CLVS1: variants seen among roughly 807,000 people sequenced by gnomAD.
The protein encoded by CLVS1 is clavesin-1.
CLVS1 carries 10 observed loss-of-function variants against 33.1 expected under a neutral mutation model. The ratio of observed to expected loss-of-function variants is 0.30; its 90% CI spans 0.19 to 0.51. The LOEUF is 0.51. Among genes scored for constraint, CLVS1 ranks in the 20% least tolerant of loss-of-function variants. CLVS1 has a pLI of 0.97. For synonymous variants in CLVS1, 163 were observed against 166.1 expected, an observed-to-expected ratio of 0.98 and a Z score of 0.14; for missense variants, 343 against 433.4, an observed-to-expected ratio of 0.79 and a Z score of 1.85.
At chr8:61,421,029 A>G (rs891639317) in intron 3 of CLVS1, among the ~76,000 whole-genome samples, 3 of 152,200 alleles carry the variant, frequency 2.0e-5, no homozygotes, top group Non-Finnish European at 4.4e-5. Flanking sequence ...GCAACTGAGT[A>G]TGCAAGTTGA....
At chr8:61,274,707 A>G (rs545986050) in intron 2 of CLVS1, among the ~76,000 whole-genome samples, 3 of 152,308 alleles carry the variant, frequency 2.0e-5, no homozygotes, top group African/African-American at 7.2e-5. Flanking sequence ...ATCGCTGGCT[A>G]TTTTTAAATT....
chr8:61,059,480 A>ATCTATC (rs1164212060), intron 1 of CLVS1, among the ~76,000 whole-genome samples: 2 of 84,206 alleles, frequency 2.4e-5, no homozygotes, highest in African/African-American at 1.2e-4. Context: ...ACATACATAT[A>ATCTATC]TATATATATA....
At chr8:61,181,639 G>A (rs900128180) in intron 2 of CLVS1, among the ~76,000 whole-genome samples, 1 of 149,850 alleles carries the variant, frequency 6.7e-6, no homozygotes, top group Non-Finnish European at 1.5e-5. Flanking sequence ...CAGACATATA[G>A]AGCAATGGAC....
chr8:61,266,593 A>G (rs1037644061), intron 2 of CLVS1, among the ~76,000 whole-genome samples: 1 of 151,926 alleles, frequency 6.6e-6, no homozygotes, highest in Admixed American at 6.6e-5. Flanking sequence ...CTATTTCTCT[A>G]CACATGTTTT....
intron 2 of CLVS1, among the ~76,000 whole-genome samples, chr8:61,347,813 A>G (rs762935262): frequency 4.6e-5 from 7 of 150,988 alleles, no homozygotes; most frequent in Non-Finnish European, 8.9e-5. Context: ...GCTGAATCAT[A>G]TGATAGTTCT....
chr8:61,017,930 T>C, the CLVS1 span, among the ~76,000 whole-genome samples: 2 of 152,252 alleles, frequency 1.3e-5, no homozygotes, highest in African/African-American at 4.8e-5. Context: ...AGTGATCAAC[T>C]TCACTGCATG....
At chr8:61,318,680 A>G (rs1811093793) in intron 2 of CLVS1, among the ~76,000 whole-genome samples, 1 of 152,108 alleles carries the variant, frequency 6.6e-6, no homozygotes, top group Non-Finnish European at 1.5e-5. Context: ...CCAGTACAGC[A>G]TTTGGGAAAA....
intron 2 of CLVS1, among the ~76,000 whole-genome samples, chr8:61,309,968 C>T (rs190403199): frequency 6.6e-6 from 1 of 152,242 alleles, no homozygotes; most frequent in East Asian, 1.9e-4. Context: ...GTTTGATTGT[C>T]CTCAGTTATA....
Position 61,249,216 on chromosome 8 carries a change from C to G in CLVS1, c.-151-50461C>G, listed in dbSNP as rs747507927. On this transcript the variant is annotated intron_variant, in intron 2 of 2. Coordinates refer to the CLVS1 transcript ENST00000522621. ...TTAATTTGCTGAGAATTATGGTTTC[C>G]AGCTTCCTCCATGTCCCTGCAAAGG... Among the ~76,000 whole-genome samples, 60 of 152,120 alleles carry G rather than the reference C, an allele frequency of 3.9e-4. 1 individual carries two copies. Among genetic ancestry groups the G allele is most frequent in the Non-Finnish European group, 6.2e-4 (42 of 68,032 alleles).
chr8:61,062,919 A>G (rs1428868663), intron 1 of CLVS1, among the ~76,000 whole-genome samples: 1 of 152,198 alleles, frequency 6.6e-6, no homozygotes, highest in African/African-American at 2.4e-5. Flanking sequence ...TGTGATTGCT[A>G]TGCATTTCCT....
intron 2 of CLVS1, among the ~76,000 whole-genome samples, chr8:61,143,939 T>C (rs1247415974): frequency 6.6e-6 from 1 of 150,404 alleles, no homozygotes; most frequent in Non-Finnish European, 1.5e-5. Flanking sequence ...AAACATCTTA[T>C]TGAAGGAAGC....
At chr8:61,042,544 G>C in the CLVS1 span, among the ~76,000 whole-genome samples, 3 of 152,224 alleles carry the variant, frequency 2.0e-5, no homozygotes, top group Non-Finnish European at 2.9e-5. Flanking sequence ...TCTTTGGTTA[G>C]TAGACAGTGT....
intron 2 of CLVS1, among the ~76,000 whole-genome samples, chr8:61,250,882 C>G (rs1016198894): frequency 6.6e-6 from 1 of 152,172 alleles, no homozygotes; most frequent in South Asian, 2.1e-4. Context: ...TTGTCTTCCT[C>G]TCTTCCTGTT....
intron 2 of CLVS1, among the ~76,000 whole-genome samples, chr8:61,273,746 C>A (rs1186999464): frequency 6.6e-6 from 1 of 152,174 alleles, no homozygotes; most frequent in African/African-American, 2.4e-5. Context: ...TGGGAGTGAC[C>A]CGATTTTCCA....
chr8:61,125,990 A>G (rs1805961884), intron 1 of CLVS1, among the ~76,000 whole-genome samples: 1 of 151,986 alleles, frequency 6.6e-6, no homozygotes, highest in African/African-American at 2.4e-5. Context: ...TCCAAATGTA[A>G]TATAGTTGAT....
chr8:61,307,723 G>A (rs1585780717), intron 2 of CLVS1, among the ~76,000 whole-genome samples: 1 of 152,094 alleles, frequency 6.6e-6, no homozygotes, highest in African/African-American at 2.4e-5. Flanking sequence ...GGGTACAAGT[G>A]CAGTTTTGTT....
intron 2 of CLVS1, chr8:61,202,996 A>G: frequency 7.0e-7 from 1 of 1,419,922 alleles, no homozygotes; most frequent in Non-Finnish European, 9.8e-7. Context: ...AAAACCATCA[A>G]CACCAAGATC....
chr8:61,071,160 A>G (rs893083802), intron 1 of CLVS1, among the ~76,000 whole-genome samples: 1 of 152,260 alleles, frequency 6.6e-6, no homozygotes, highest in African/African-American at 2.4e-5. Flanking sequence ...TCTTTACCAG[A>G]GAAAAGTATG....
chr8:61,158,197 A>G (rs889748247), intron 2 of CLVS1, among the ~76,000 whole-genome samples: 4 of 152,204 alleles, frequency 2.6e-5, no homozygotes, highest in Admixed American at 6.5e-5. Context: ...TGCTGAGTGA[A>G]AGAAGCCAGA....
Sources: allele counts gnomAD v4.1 joint callset (sites outside exome capture counted in the v4.1 genomes callset), GRCh38; gene constraint gnomAD v4.1.1; transcripts MANE v1.5; gene names NCBI Gene and HGNC (gene_info 2026-07-23, HGNC 2026-07-21).